The following PYM1 variants were observed in gnomAD, a reference collection of about 807,000 sequenced individuals.
PYM1 encodes PYM1 exon junction complex associated factor.
In PYM1, 7 loss-of-function variants were observed where a neutral mutation model predicts 20.7. That is an observed-to-expected ratio of 0.34 (90% CI 0.19 to 0.64). The LOEUF (loss-of-function observed/expected upper bound fraction) is 0.64, where lower values mean the gene tolerates loss of function less well. Among genes scored for constraint, PYM1 ranks in the 30% least tolerant of loss-of-function variants. The pLI, the probability that PYM1 is intolerant of heterozygous loss-of-function variation, is 0.74. For synonymous variants in PYM1, 100 were observed against 99.2 expected (o/e 1.01, Z -0.05); for missense variants, 194 against 250.0 (o/e 0.78, Z 1.51).
intron 1 of PYM1, chr12:55,914,120 A>C: frequency 4.0e-6 from 2 of 494,844 alleles, no homozygotes; most frequent in Non-Finnish European, 7.2e-6. Context: ...ACAATACTAC[A>C]AACATATATT....
intron 1 of PYM1, among the ~76,000 whole-genome samples, chr12:55,920,507 G>A: frequency 6.6e-6 from 1 of 151,684 alleles, no homozygotes. Context: ...GAGTGGGGGT[G>A]CATGCCTGTA....
At chr12:55,905,960 C>CTATTAGATATATATATTATTATATA (rs1882806408) in intron 1 of PYM1, among the ~76,000 whole-genome samples, 1 of 111,422 alleles carries the variant, frequency 9.0e-6, no homozygotes, top group African/African-American at 4.0e-5. Context: ...TTATATATAT[C>CTATTAGATATATATATTATTATATA]TAATAGATAT....
intron 2 of PYM1, 79 bp from the exon 3 acceptor site, chr12:55,902,434 C>A: frequency 6.6e-7 from 1 of 1,504,228 alleles, no homozygotes. Flanking sequence ...CCAAACACTT[C>A]ATCCTCATTA....
At chr12:55,921,085 G>T (rs1385763522) in intron 1 of PYM1, among the ~76,000 whole-genome samples, 2 of 152,158 alleles carry the variant, frequency 1.3e-5, no homozygotes, top group Non-Finnish European at 2.9e-5. Flanking sequence ...GAAATACGAT[G>T]ACCAGTTTAG....
At chr12:55,922,151 C>T (rs1883108588) in intron 1 of PYM1, among the ~76,000 whole-genome samples, 1 of 152,114 alleles carries the variant, frequency 6.6e-6, no homozygotes, top group Non-Finnish European at 1.5e-5. Flanking sequence ...CAGGCATATG[C>T]CACCATGCCC....
At chr12:55,905,703 A>G (rs1350582971) in intron 1 of PYM1, among the ~76,000 whole-genome samples, 1 of 73,878 alleles carries the variant, frequency 1.4e-5, no homozygotes, top group Non-Finnish European at 2.6e-5. Context: ...ACTCCAACCC[A>G]ATTAAAAAAT....
At chr12:55,927,234 G>A in intron 1 of PYM1, 2 of 1,370,944 alleles carry the variant, frequency 1.5e-6, no homozygotes, top group Admixed American at 4.0e-5. Context: ...ACCATTTCAT[G>A]GGCGGAGGTG....
intron 1 of PYM1, among the ~76,000 whole-genome samples, chr12:55,919,153 T>G (rs1024248470): frequency 2.0e-5 from 3 of 152,182 alleles, no homozygotes; most frequent in Admixed American, 6.6e-5. Context: ...TATTTGCATT[T>G]TATTTTATTT....
At chr12:55,913,292 C>G (rs1394765223) in intron 1 of PYM1, among the ~76,000 whole-genome samples, 1 of 152,164 alleles carries the variant, frequency 6.6e-6, no homozygotes, top group African/African-American at 2.4e-5. Context: ...AGCAAAGAGC[C>G]TGGCCCACAG....
At chr12:55,923,389 G>C (rs893230052) in intron 1 of PYM1, among the ~76,000 whole-genome samples, 3 of 151,802 alleles carry the variant, frequency 2.0e-5, no homozygotes, top group Non-Finnish European at 4.4e-5. Context: ...AACAGAGCAA[G>C]ACCGCATTTC....
At position 55,902,352 on chromosome 12, in the gene PYM1, A is replaced by G. The variant is rs765203996; in HGVS notation, c.135T>C (p.Tyr45=). The G allele has an allele frequency of 9.3e-6, 15 of 1,604,874 alleles. No homozygotes were observed. Among genetic ancestry groups the G allele is most frequent in the Non-Finnish European group, 1.3e-5 (15 of 1,175,320 alleles). The change falls in exon 3 of 3, where the codon TAT becomes TAC. Residue 45 remains tyrosine (Y), a synonymous_variant. Coordinates refer to ENST00000408946, the MANE Select transcript of PYM1 (RefSeq NM_032345.3). The part of the protein sequence containing the change: ...GYVPQEEVPV[Y]ENKYVKFFKS... ...TGAAAAACTTCACATACTTGTTTTC[A>G]TATCTGCAGGAAACAAAGGATGTCA...
At chr12:55,927,596 G>A (rs1883218798) in intron 1 of PYM1, 129 bp downstream of exon 1, 2 of 1,235,342 alleles carry the variant, frequency 1.6e-6, no homozygotes, top group Non-Finnish European at 2.2e-6. Context: ...GGGACGGTTG[G>A]AGACCCTATC....
At chr12:55,922,753 T>A (rs1263498742) in intron 1 of PYM1, among the ~76,000 whole-genome samples, 1 of 152,102 alleles carries the variant, frequency 6.6e-6, no homozygotes, top group African/African-American at 2.4e-5. Context: ...GAGAAATACA[T>A]CAGACAAATT....
chr12:55,925,549 G>GA (rs1301080164), intron 1 of PYM1, among the ~76,000 whole-genome samples: 1 of 152,040 alleles, frequency 6.6e-6, no homozygotes, highest in Non-Finnish European at 1.5e-5. Context: ...AAAAAGGAGA[G>GA]AAAAAAATAT....
intron 1 of PYM1, among the ~76,000 whole-genome samples, chr12:55,903,783 G>A (rs772990694): frequency 2.0e-5 from 3 of 151,972 alleles, no homozygotes; most frequent in Non-Finnish European, 4.4e-5. Context: ...ATGAAAGGCA[G>A]TAAATGAACA....
chr12:55,901,780 G>A lies in PYM1; in HGVS notation c.*92C>T, dbSNP rs569664456. 4 of 1,500,956 alleles carry A rather than the reference G, an allele frequency of 2.7e-6. No homozygotes were observed. The highest frequency in any genetic ancestry group is 2.2e-5 in the Admixed American group (1 of 44,710). The allele number at this position is 1,500,956 out of a possible 1,614,324, so 93.0% of individuals were successfully genotyped here. ...AGGTGGAAGTAAGCCAGTATGGGGGGTACCCCTCCTGACTGCTGTTGCCCG... is the reference window on the plus strand; with the variant it reads ...AGGTGGAAGTAAGCCAGTATGGGGGATACCCCTCCTGACTGCTGTTGCCCG... On this transcript the variant is annotated 3_prime_UTR_variant, in exon 3 of 3. Transcript: ENST00000408946.
In PYM1 at chr12:55,902,291, C is replaced by G. The variant is rs3802998; in HGVS notation, c.196G>C (p.Glu66Gln). 9.5e-4 allele frequency: 1,532 copies of G among 1,614,184 alleles called. 27 individuals carry two copies. In the East Asian group the frequency reaches 0.031, roughly 32 times the overall value. ...KPELPPGLSPEATAPVTPSRP... is the reference protein window; with the variant it reads ...KPELPPGLSPQATAPVTPSRP... Reference sequence around the variant, plus strand: ...GATGGGGTGACAGGAGCAGTGGCCTCAGGGCTTAGCCCTGGGGGCAACTCT... The same window carrying G: ...GATGGGGTGACAGGAGCAGTGGCCTGAGGGCTTAGCCCTGGGGGCAACTCT... The change falls in exon 3 of 3, where the codon GAG becomes CAG. Residue 66 changes from glutamate (E) to glutamine (Q), a missense_variant. This residue lies in a region of PYM1 where 158 missense variants were observed against 179.0 expected (regional missense o/e 0.88). Coordinates refer to ENST00000408946, the MANE Select transcript of PYM1 (RefSeq NM_032345.3).
chr12:55,927,890 T>G lies in PYM1; in HGVS notation c.-129A>C. 1 of 1,230,878 alleles carries G rather than the reference T, an allele frequency of 8.1e-7. No individual in the cohort carries two copies. Among genetic ancestry groups the G allele is most frequent in the Non-Finnish European group, 1.1e-6 (1 of 904,080 alleles). The allele number at this position is 1,230,878 out of a possible 1,614,324, so 76.2% of individuals were successfully genotyped here. ...GCTTCTCGCCCAGACCTCCTAACCC[T>G]GAGTGCCTCCTCGGGCTGGGCCCTA... On this transcript the variant is annotated 5_prime_UTR_variant, in exon 1 of 3. Coordinates refer to ENST00000408946, the MANE Select transcript of PYM1 (RefSeq NM_032345.3).
At chr12:55,924,690 T>C (rs1883159133) in intron 1 of PYM1, among the ~76,000 whole-genome samples, 1 of 152,206 alleles carries the variant, frequency 6.6e-6, no homozygotes, top group Non-Finnish European at 1.5e-5. Context: ...TTATTATTTA[T>C]TTTTGAGACA....
Sources: allele counts gnomAD v4.1 joint callset (sites outside exome capture counted in the v4.1 genomes callset), GRCh38; gene constraint gnomAD v4.1.1; regional missense constraint gnomAD v4.1.1; transcripts MANE v1.5; gene names NCBI Gene and HGNC (gene_info 2026-07-23, HGNC 2026-07-21).